The following BAIAP2 variants were observed in gnomAD, a reference collection of about 807,000 sequenced individuals.
The protein encoded by BAIAP2 is BAR/IMD domain containing adaptor protein 2, also known as BAR/IMD domain-containing adapter protein 2.
BAIAP2 carries 18 observed loss-of-function variants against 63.0 expected under a neutral mutation model. The ratio of observed to expected loss-of-function variants is 0.29; its 90% CI spans 0.20 to 0.42. BAIAP2 has a LOEUF of 0.42. BAIAP2 is among the 10% of genes least tolerant of loss of function. BAIAP2 has a pLI of 1.00. For missense variants in BAIAP2, 610 were observed against 734.3 expected, an observed-to-expected ratio of 0.83 and a Z score of 1.96; for synonymous variants, 386 against 307.6, an observed-to-expected ratio of 1.25 and a Z score of -2.67.
intron 1 of BAIAP2, among the ~76,000 whole-genome samples, chr17:81,038,161 A>G (rs2046551390): frequency 6.6e-6 from 1 of 152,228 alleles, no homozygotes; most frequent in South Asian, 2.1e-4. Context: ...AGTGGCCCAG[A>G]TGGAGGGATG....
chr17:81,043,938 A>T (rs2047436674), intron 1 of BAIAP2, among the ~76,000 whole-genome samples: 1 of 152,234 alleles, frequency 6.6e-6, no homozygotes, highest in Non-Finnish European at 1.5e-5. Context: ...ATTTCCTGGC[A>T]CAGAGAGTAC....
chr17:81,109,373 A>T (rs2059600767), intron 13 of BAIAP2: 5 of 65,124 alleles, frequency 7.7e-5, no homozygotes, highest in Middle Eastern at 4.4e-3. Context: ...GAAAAATCTT[A>T]AAAAAAAAAA....
At position 81,109,928 on chromosome 17, in the gene BAIAP2, C is replaced by T. The variant is rs190223053; in HGVS notation, c.1535+1419C>T. The T allele has an allele frequency of 2.8e-3, 2,798 of 985,356 alleles. 20 individuals carry two copies. The South Asian group carries it at 0.034, about 12-fold the overall frequency. The allele number at this position is 985,356 out of a possible 1,614,324, so 61.0% of individuals were successfully genotyped here. ...GGCTGGGGGAGGGCAGCTCTGGGCACGCCGCACCCACGCCCCCCACCTGGG... is the reference window on the plus strand; with the variant it reads ...GGCTGGGGGAGGGCAGCTCTGGGCATGCCGCACCCACGCCCCCCACCTGGG... On this transcript the variant is annotated intron_variant, in intron 13 of 13. Coordinates refer to ENST00000428708, the MANE Select transcript of BAIAP2 (RefSeq NM_001144888.2).
intron 1 of BAIAP2, among the ~76,000 whole-genome samples, chr17:81,041,941 A>G (rs1380913854): frequency 6.6e-6 from 1 of 151,968 alleles, no homozygotes; most frequent in Non-Finnish European, 1.5e-5. Flanking sequence ...GTTTTCTTAA[A>G]ACTTATTTTT....
intron 13 of BAIAP2, 136 bp downstream of exon 13, chr17:81,108,645 C>A: frequency 1.7e-6 from 2 of 1,174,784 alleles, no homozygotes; most frequent in Non-Finnish European, 2.4e-6. Context: ...CCTGTCAGAG[C>A]CGGGGATGTC....
chr17:81,096,534 C>A (rs1390107948), intron 6 of BAIAP2, among the ~76,000 whole-genome samples: 1 of 151,170 alleles, frequency 6.6e-6, no homozygotes. Context: ...TGGAACAGGC[C>A]TGGGTGTTGG....
intron 3 of BAIAP2, among the ~76,000 whole-genome samples, chr17:81,066,490 A>G (rs2051487772): frequency 1.3e-5 from 2 of 152,194 alleles, no homozygotes; most frequent in Admixed American, 1.3e-4. Flanking sequence ...CCCACCTGGG[A>G]GAGCTGGGGC....
At chr17:81,081,094 C>G (rs1215826436) in intron 3 of BAIAP2, among the ~76,000 whole-genome samples, 1 of 152,244 alleles carries the variant, frequency 6.6e-6, no homozygotes, top group East Asian at 1.9e-4. Flanking sequence ...GCCACCCCAA[C>G]TCGGCTGAAG....
chr17:81,075,527 GT>G (rs2144958706), intron 3 of BAIAP2, among the ~76,000 whole-genome samples: 1 of 152,304 alleles, frequency 6.6e-6, no homozygotes, highest in East Asian at 1.9e-4. Flanking sequence ...AATCCTTCTC[GT>G]TCATCTGCTC....
At chr17:81,096,208 T>A (rs1568160577) in intron 6 of BAIAP2, among the ~76,000 whole-genome samples, 1 of 152,208 alleles carries the variant, frequency 6.6e-6, no homozygotes, top group Non-Finnish European at 1.5e-5. Flanking sequence ...TGCCTCAGTT[T>A]CTTTTGCCAG....
At chr17:81,068,933 T>G (rs2052028963) in intron 3 of BAIAP2, among the ~76,000 whole-genome samples, 1 of 152,166 alleles carries the variant, frequency 6.6e-6, no homozygotes, top group African/African-American at 2.4e-5. Context: ...GAGCTCCAGC[T>G]GCTCCAGGCT....
At chr17:81,052,426 C>T (rs1598534770) in intron 1 of BAIAP2, among the ~76,000 whole-genome samples, 1 of 152,340 alleles carries the variant, frequency 6.6e-6, no homozygotes, top group African/African-American at 2.4e-5. Context: ...CTTGCTGCGT[C>T]CTGGAAGGAA....
chr17:81,113,619 C>T (rs1008426776), intron 13 of BAIAP2, among the ~76,000 whole-genome samples: 2 of 151,926 alleles, frequency 1.3e-5, no homozygotes, highest in Non-Finnish European at 2.9e-5. Flanking sequence ...CCATCCCCGC[C>T]GACCCCCCTG....
Position 81,090,366 on chromosome 17 carries a change from T to TGCTCCTCCCCATCCGCCTCC in BAIAP2, c.489+3787_489+3806dup, listed in dbSNP as rs546418994. On this transcript the variant is annotated intron_variant, in intron 6 of 13. Coordinates refer to ENST00000428708, the MANE Select transcript of BAIAP2 (RefSeq NM_001144888.2). ...GCTCTCCTGGACGGACCTCCGCCTCTGCTCCTCCCCATCCGCCTCCTTCCT... is the reference window on the plus strand; with the variant it reads ...GCTCTCCTGGACGGACCTCCGCCTCTGCTCCTCCCCATCCGCCTCCGCTCCTCCCCATCCGCCTCCTTCCT... 3.1e-3 allele frequency among the ~76,000 whole-genome samples: 473 copies of TGCTCCTCCCCATCCGCCTCC among 152,346 alleles called. 2 individuals are homozygous for TGCTCCTCCCCATCCGCCTCC. Among genetic ancestry groups the TGCTCCTCCCCATCCGCCTCC allele is most frequent in the Non-Finnish European group, 5.3e-3 (361 of 68,010 alleles).
At chr17:81,090,453 T>C (rs1254884739) in intron 6 of BAIAP2, among the ~76,000 whole-genome samples, 2 of 152,368 alleles carry the variant, frequency 1.3e-5, no homozygotes, top group Admixed American at 6.5e-5. Context: ...TTGTGGTTTT[T>C]CCCAAGTCAC....
At chr17:81,047,714 G>A (rs755661680) in intron 1 of BAIAP2, among the ~76,000 whole-genome samples, 5 of 150,394 alleles carry the variant, frequency 3.3e-5, no homozygotes, top group South Asian at 2.1e-4. Context: ...GTCCACATGC[G>A]TCCAGCACAT....
intron 1 of BAIAP2, among the ~76,000 whole-genome samples, chr17:81,038,590 G>T (rs921453180): frequency 6.6e-6 from 1 of 152,264 alleles, no homozygotes; most frequent in Non-Finnish European, 1.5e-5. Context: ...GGCCGCAGCC[G>T]TGCTTCGAGG....
At position 81,108,541 on chromosome 17, in the gene BAIAP2, C is replaced by G. The variant is rs199860271; in HGVS notation, c.1535+32C>G. 3,159 of 1,613,636 alleles carry G rather than the reference C, an allele frequency of 2.0e-3. 8 individuals are homozygous for G. The highest frequency in any genetic ancestry group is 2.2e-3 in the Non-Finnish European group (2,654 of 1,179,874). On this transcript the variant is annotated intron_variant, in intron 13 of 13. Coordinates refer to ENST00000428708, the MANE Select transcript of BAIAP2 (RefSeq NM_001144888.2). ...GGACTTTCAGACCTGTCTTTGGGAC[C>G]GTGGGTGGGTGTGAAGAGGCCGGGT...
chr17:81,109,283 C>T (rs1209415444), intron 13 of BAIAP2: 26 of 1,270,112 alleles, frequency 2.0e-5, no homozygotes, highest in Admixed American at 3.8e-5. Context: ...GGGGCACCCT[C>T]GGCCTCACCC....
Sources: allele counts gnomAD v4.1 joint callset (sites outside exome capture counted in the v4.1 genomes callset), GRCh38; gene constraint gnomAD v4.1.1; transcripts MANE v1.5; gene names NCBI Gene and HGNC (gene_info 2026-07-23, HGNC 2026-07-21).